Variants in TTLL4 observed in about 807,000 individuals in gnomAD.
TTLL4 encodes the protein tubulin monoglutamylase TTLL4.
Under a neutral mutation model 122.7 loss-of-function variants are expected in TTLL4, and 85 were observed. That is an observed-to-expected ratio of 0.69 (90% confidence interval 0.58 to 0.83). TTLL4 has a LOEUF of 0.83. Among genes scored for constraint, TTLL4 ranks in the 40% least tolerant of loss-of-function variants. The pLI is 0.00. For missense variants in TTLL4, 1,363 were observed against 1,488.6 expected (o/e 0.92, Z 1.39); for synonymous variants, 553 against 563.0 (o/e 0.98, Z 0.25).
chr2:218,748,148 C>G lies in TTLL4; in HGVS notation c.2422C>G (p.Leu808Val). Residue 808 changes from leucine (L) to valine (V), a missense_variant, in exon 12 of 20, where the codon CTG becomes GTG. Transcript: ENST00000392102. ...MKSLGNKFMHLTNYSVNKKNA... is the reference protein window; with the variant it reads ...MKSLGNKFMHVTNYSVNKKNA... ...GAGCCTTGGCAATAAGTTCATGCAC[C>G]TGACCAACTACAGTGTCAATAAAAA... 6.2e-7 allele frequency: 1 copy of G among 1,614,150 alleles called. No homozygotes were observed. The highest frequency in any genetic ancestry group is 8.5e-7 in the Non-Finnish European group (1 of 1,180,020).
intron 2 of TTLL4, among the ~76,000 whole-genome samples, chr2:218,737,363 C>T (rs552346391): frequency 1.4e-4 from 21 of 152,158 alleles, no homozygotes; most frequent in African/African-American, 5.1e-4. Context: ...TGTTTTAGTC[C>T]GTAATGAAGC....
In TTLL4 at chr2:218,740,150, A is replaced by T; in HGVS notation, c.1580A>T (p.Glu527Val). ...DGLEDCCSRD[E>V]NEEEEGDSEC... is the part of the protein sequence containing the mutation. ...TTGGAAGACTGTTGTAGCCGTGATG[A>T]GAATGAAGAGGAGGAGGGTGAGTAG... The change falls in exon 4 of 20, where the codon GAG becomes GTG. Residue 527 changes from glutamate to valine, a missense_variant. Coordinates refer to ENST00000392102, the MANE Select transcript of TTLL4 (RefSeq NM_014640.5). 6.2e-7 allele frequency: 1 copy of T among 1,614,230 alleles called. No homozygotes were observed.
At chr2:218,721,574 A>G (rs1465944638) in intron 1 of TTLL4, among the ~76,000 whole-genome samples, 1 of 152,202 alleles carries the variant, frequency 6.6e-6, no homozygotes, top group African/African-American at 2.4e-5. Context: ...TGTGTGCCTC[A>G]CACATTTTGA....
At chr2:218,752,138 C>T (rs1943038182) in intron 16 of TTLL4, among the ~76,000 whole-genome samples, 1 of 152,076 alleles carries the variant, frequency 6.6e-6, no homozygotes, top group African/African-American at 2.4e-5. Context: ...AACCTCCCAA[C>T]CTCAAGTGAT....
At chr2:218,715,370 T>C (rs2106384952) in intron 1 of TTLL4, among the ~76,000 whole-genome samples, 2 of 152,352 alleles carry the variant, frequency 1.3e-5, no homozygotes, top group South Asian at 4.1e-4. Context: ...TGAAATGATA[T>C]CAGTGAACAT....
intron 1 of TTLL4, among the ~76,000 whole-genome samples, chr2:218,718,373 CTTTTCTTTTTTTT>C (rs1054079214): frequency 6.6e-6 from 1 of 151,552 alleles, no homozygotes; most frequent in Admixed American, 6.6e-5. Flanking sequence ...AATAGATTTT[CTTTTCTTTTTTTT>C]TTTTCTTTTG....
chr2:218,753,749 G>A (rs1303837369), intron 19 of TTLL4, 80 bp downstream of exon 19: 12 of 1,482,398 alleles, frequency 8.1e-6, no homozygotes, highest in Admixed American at 1.7e-5. Flanking sequence ...CCCAGACTGT[G>A]GCAGTGAGAT....
chr2:218,717,636 G>A (rs1276488704), intron 1 of TTLL4, among the ~76,000 whole-genome samples: 2 of 152,076 alleles, frequency 1.3e-5, no homozygotes, highest in Non-Finnish European at 2.9e-5. Context: ...TTCTCACTAG[G>A]CTGTATTCTT....
chr2:218,714,593 GAC>G (rs1269700518), intron 1 of TTLL4, among the ~76,000 whole-genome samples: 4 of 152,038 alleles, frequency 2.6e-5, no homozygotes, highest in Non-Finnish European at 4.4e-5. Context: ...CAATACAAAG[GAC>G]CTTGTCCTTC....
intron 1 of TTLL4, among the ~76,000 whole-genome samples, chr2:218,720,249 A>G (rs1941992202): frequency 6.6e-6 from 1 of 152,096 alleles, no homozygotes; most frequent in African/African-American, 2.4e-5. Flanking sequence ...ACATTGTGAG[A>G]GAGATTGATT....
intron 1 of TTLL4, among the ~76,000 whole-genome samples, chr2:218,724,420 C>G (rs868755637): frequency 3.3e-5 from 5 of 152,220 alleles, no homozygotes; most frequent in Middle Eastern, 3.4e-3. Context: ...TGAAACAGGC[C>G]TACCCTTCCC....
At chr2:218,741,548 A>G (rs1253665858) in intron 5 of TTLL4, among the ~76,000 whole-genome samples, 5 of 152,170 alleles carry the variant, frequency 3.3e-5, no homozygotes, top group Non-Finnish European at 5.9e-5. Context: ...CAAGGTGGAG[A>G]CAGAGCTGTT....
intron 2 of TTLL4, among the ~76,000 whole-genome samples, chr2:218,728,921 A>ATTT (rs1191716175): frequency 1.6e-4 from 11 of 69,180 alleles, no homozygotes; most frequent in African/African-American, 3.6e-4. Context: ...CTGGTGGTCT[A>ATTT]TTTTTTTTTT....
At chr2:218,724,037 A>G (rs561925417) in intron 1 of TTLL4, among the ~76,000 whole-genome samples, 135 of 152,314 alleles carry the variant, frequency 8.9e-4, no homozygotes, top group African/African-American at 3.2e-3. Flanking sequence ...TTCAGATGCA[A>G]AGGGGTATCA....
In TTLL4 at chr2:218,748,849, T is replaced by C; in HGVS notation, c.2515T>C (p.Leu839=). The C allele has an allele frequency of 6.2e-7, 1 of 1,614,148 alleles. No individual in the cohort carries two copies. The highest frequency in any genetic ancestry group is 8.5e-7 in the Non-Finnish European group (1 of 1,180,006). The stretch of plus-strand genomic sequence containing the variant: ...CCTCCTCTGCAGGGCACTGAAGGCT[T>C]TGTGGAACTACCTGAGCCAGAAGGG... The part of the protein sequence containing the change: ...CQGHKWALKA[L]WNYLSQKGVN... Residue 839 remains leucine (L), a synonymous_variant, in exon 13 of 20, where the codon TTG becomes CTG. Coordinates refer to ENST00000392102, the MANE Select transcript of TTLL4 (RefSeq NM_014640.5).
Position 218,710,973 on chromosome 2 carries a change from C to G in TTLL4, c.-242C>G, listed in dbSNP as rs1343248832. 1 of 152,550 alleles carries G rather than the reference C, an allele frequency of 6.6e-6. No individual in the cohort carries two copies. Among genetic ancestry groups the G allele is most frequent in the East Asian group, 1.9e-4 (1 of 5,202 alleles). 9.4% of individuals were successfully genotyped at this position (152,550 alleles called of 1,614,324 possible). ...GGGCGCCTGAGGCTGCCGGGTAGCCCAGCAGGCCGAGGGAGGAAGTAGCGT... is the reference window on the plus strand; with the variant it reads ...GGGCGCCTGAGGCTGCCGGGTAGCCGAGCAGGCCGAGGGAGGAAGTAGCGT... On this transcript the variant is annotated 5_prime_UTR_variant, in exon 1 of 20. Coordinates refer to ENST00000392102, the MANE Select transcript of TTLL4 (RefSeq NM_014640.5).
rs1237554660 is a variant in TTLL4 at position 218,747,597 on chromosome 2, G to T, written c.2250G>T (p.Arg750Ser). The part of the protein sequence containing the change: ...LPKRRPLLVQ[R>S]YLHKPYLISG... Reference sequence around the variant, plus strand: ...AGAAGCTGGCCTTTGTCCTATGTAGGTATCTACACAAACCCTACCTCATCA... The same window carrying T: ...AGAAGCTGGCCTTTGTCCTATGTAGTTATCTACACAAACCCTACCTCATCA... The change falls in exon 11 of 20, where the codon AGG (arginine) becomes AGT (serine). Residue 750 changes from arginine (R) to serine (S), a missense_variant and splice_region_variant. By Grantham distance (110) the Arg-to-Ser change is moderately radical. Coordinates refer to ENST00000392102, the MANE Select transcript of TTLL4 (RefSeq NM_014640.5). This position sits in a 1 kb window ranked among gnomAD's most constrained non-coding sequence, Gnocchi z 4.7. The T allele has an allele frequency of 6.2e-7, 1 of 1,613,710 alleles. No homozygotes were observed. The highest frequency in any genetic ancestry group is 8.5e-7 in the Non-Finnish European group (1 of 1,179,926).
In TTLL4 at chr2:218,753,183, G is replaced by C. The variant is rs1208774898; in HGVS notation, c.3256G>C (p.Val1086Leu). 5 of 1,614,080 alleles carry C rather than the reference G, an allele frequency of 3.1e-6. No homozygotes were observed. In the African/African-American group the frequency reaches 6.7e-5, roughly 22 times the overall value. ...HMGVVSDSAP[V>L]WSLPTSLLTI... ...GGGAGTTGTCTCTGATTCTGCTCCA[G>C]TGGTGAGTGCTGCCAGTGTGGAGGA... Residue 1086 changes from valine (V) to leucine (L), a missense_variant and splice_region_variant, in exon 18 of 20, where the codon GTG becomes CTG. Around this residue, in one of 3 missense-constraint regions of TTLL4, gnomAD observed 596 missense variants for 655.8 expected, o/e 0.91. Transcript: ENST00000392102.
At chr2:218,746,369 T>C in intron 8 of TTLL4, 138 bp downstream of exon 8, 1 of 857,128 alleles carries the variant, frequency 1.2e-6, no homozygotes, top group Non-Finnish European at 1.9e-6. Context: ...GAGGAGAAAG[T>C]ACAGGACGGG....
Sources: gnomAD v4.1 joint callset for allele counts (sites outside exome capture counted in the v4.1 genomes callset) on GRCh38, gnomAD v4.1.1 for gene constraint, gnomAD v4.1.1 regional missense constraint, Gnocchi (gnomAD v3.1) non-coding constraint, MANE v1.5 for transcripts, NCBI Gene and HGNC (gene_info 2026-07-23, HGNC 2026-07-21) for gene names.